The following HIVEP3 variants were observed in gnomAD, a reference collection of about 807,000 sequenced individuals.
HIVEP3 encodes HIVEP zinc finger 3.
HIVEP3 carries 49 observed loss-of-function variants against 152.8 expected under a neutral mutation model. The observed-to-expected ratio is 0.32, with a 90% CI of 0.26 to 0.41. The LOEUF is 0.41. Among genes scored for constraint, HIVEP3 ranks in the 10% least tolerant of loss-of-function variants. HIVEP3 has a pLI of 1.00. For missense variants in HIVEP3, 2,790 were observed against 3,103.3 expected (o/e 0.90, Z 2.40); for synonymous variants, 1,269 against 1,289.0 (o/e 0.98, Z 0.33).
chr1:41,965,342 C>T (rs1192176614), intron 1 of HIVEP3, among the ~76,000 whole-genome samples: 1 of 152,196 alleles, frequency 6.6e-6, no homozygotes, highest in African/African-American at 2.4e-5. Flanking sequence ...GCCAGAGTGC[C>T]TCTTCTCCAA....
intron 1 of HIVEP3, among the ~76,000 whole-genome samples, chr1:41,734,044 C>G (rs1420358993): frequency 1.3e-5 from 2 of 152,146 alleles, no homozygotes; most frequent in Non-Finnish European, 2.9e-5. Context: ...GCCCTCACCC[C>G]CTCCTTGCTC....
intron 1 of HIVEP3, among the ~76,000 whole-genome samples, chr1:41,880,915 T>C (rs952399056): frequency 3.3e-5 from 5 of 152,222 alleles, no homozygotes; most frequent in African/African-American, 1.2e-4. Context: ...TCTAAATTTC[T>C]TGATAACCAA....
At chr1:41,846,824 G>A (rs1256350360) in intron 1 of HIVEP3, among the ~76,000 whole-genome samples, 1 of 152,204 alleles carries the variant, frequency 6.6e-6, no homozygotes, top group African/African-American at 2.4e-5. Flanking sequence ...CTCCTCCATA[G>A]ATGGGTAATG....
At chr1:41,905,998 C>G (rs1644703296) in intron 1 of HIVEP3, among the ~76,000 whole-genome samples, 1 of 152,096 alleles carries the variant, frequency 6.6e-6, no homozygotes, top group Non-Finnish European at 1.5e-5. Flanking sequence ...AAATTTCTAT[C>G]AACAGGTGGA....
At chr1:41,856,063 G>T (rs1489669225) in intron 1 of HIVEP3, among the ~76,000 whole-genome samples, 1 of 152,192 alleles carries the variant, frequency 6.6e-6, no homozygotes, top group Non-Finnish European at 1.5e-5. Flanking sequence ...TGCCCCTCCT[G>T]CCCATATGGA....
At chr1:41,614,364 G>A (rs930669092) in intron 3 of HIVEP3, among the ~76,000 whole-genome samples, 1 of 152,332 alleles carries the variant, frequency 6.6e-6, no homozygotes, top group African/African-American at 2.4e-5. Context: ...AACAGAGGGT[G>A]CAAGTCCCAA....
intron 5 of HIVEP3, among the ~76,000 whole-genome samples, chr1:41,568,582 T>C (rs2149094831): frequency 6.6e-6 from 1 of 152,326 alleles, no homozygotes; most frequent in Non-Finnish European, 1.5e-5. Flanking sequence ...AGCAGGTGAC[T>C]GTAGGACACT....
intron 1 of HIVEP3, among the ~76,000 whole-genome samples, chr1:41,856,549 C>T (rs571805111): frequency 2.7e-4 from 41 of 152,158 alleles, no homozygotes; most frequent in Admixed American, 5.9e-4. Context: ...AACAAGCGGG[C>T]GTTCGCACAT....
At chr1:41,599,920 G>A (rs960751536) in intron 3 of HIVEP3, among the ~76,000 whole-genome samples, 18 of 152,022 alleles carry the variant, frequency 1.2e-4, no homozygotes, top group Non-Finnish European at 2.4e-4. Flanking sequence ...TTGAAGAGAC[G>A]TTTCTCCAAA....
At position 41,510,652 on chromosome 1, in the gene HIVEP3, G is replaced by T. The variant is rs1387061649; in HGVS notation, c.7020C>A (p.Asn2340Lys). Reference protein sequence around the residue: ...PRLESPRAPTNPEPSATPPLD... With the variant: ...PRLESPRAPTKPEPSATPPLD... ...GCGGCGGGGTGGCAGAAGGCTCGGG[G>T]TTGGTCGGTGCACGCGGGGACTCCA... is the stretch of plus-strand genomic sequence containing the variant. Residue 2340 changes from asparagine to lysine, a missense_variant, in exon 9 of 9, where the codon AAC becomes AAA. This residue lies in a region of HIVEP3 where 816 missense variants were observed against 806.5 expected (regional missense o/e 1.01). Coordinates refer to ENST00000372583, the MANE Select transcript of HIVEP3 (RefSeq NM_024503.5). The T allele has an allele frequency of 2.6e-6, 4 of 1,538,796 alleles. No homozygotes were observed. The highest frequency in any genetic ancestry group is 2.5e-5 in the East Asian group (1 of 40,816).
At chr1:41,784,821 C>G (rs1391673918) in intron 1 of HIVEP3, among the ~76,000 whole-genome samples, 21 of 152,164 alleles carry the variant, frequency 1.4e-4, no homozygotes, top group Admixed American at 1.4e-3. Context: ...AGCCACAAAA[C>G]AGGTTTCTGG....
intron 5 of HIVEP3, among the ~76,000 whole-genome samples, chr1:41,529,858 CACTT>C (rs1643190031): frequency 1.4e-5 from 2 of 143,450 alleles, no homozygotes; most frequent in Non-Finnish European, 3.0e-5. Context: ...CCCACAGTCA[CACTT>C]ACATCCTCAC....
intron 2 of HIVEP3, among the ~76,000 whole-genome samples, chr1:41,698,411 T>C (rs1230010886): frequency 6.6e-6 from 1 of 152,222 alleles, no homozygotes; most frequent in African/African-American, 2.4e-5. Flanking sequence ...AGGTAATGTG[T>C]GCCTTCAATT....
chr1:41,718,943 C>A (rs918860089), intron 1 of HIVEP3, among the ~76,000 whole-genome samples: 1 of 152,220 alleles, frequency 6.6e-6, no homozygotes, highest in African/African-American at 2.4e-5. Context: ...TTTAACCCTT[C>A]CTCTTTGCTG....
chr1:41,583,975 C>T lies in HIVEP3; in HGVS notation c.823G>A (p.Glu275Lys). The T allele has an allele frequency of 1.9e-6, 3 of 1,614,168 alleles. No individual in the cohort carries two copies. The highest frequency in any genetic ancestry group is 2.2e-5 in the South Asian group (2 of 91,084). ...TCTGTGCTTTCTCCCTCAGTGGGCT[C>T]CTCAAACTCTTCCCCAGGGATCCGC... ...MERIPGEEFE[E>K]PTEGESTDSE... The change falls in exon 4 of 9, where the codon GAG becomes AAG. Residue 275 changes from glutamate to lysine, a missense_variant. Around this residue, in one of 9 missense-constraint regions of HIVEP3, gnomAD observed 125 missense variants for 130.1 expected, o/e 0.96. Transcript: ENST00000372583. The surrounding 1 kb of genome is among the most constrained non-coding windows in gnomAD (Gnocchi z 6.9).
At chr1:41,608,104 G>A (rs2149130225) in intron 3 of HIVEP3, among the ~76,000 whole-genome samples, 1 of 152,258 alleles carries the variant, frequency 6.6e-6, no homozygotes, top group Middle Eastern at 3.4e-3. Context: ...AGATATAAGT[G>A]GAATACTAAC....
intron 1 of HIVEP3, among the ~76,000 whole-genome samples, chr1:41,938,827 C>T (rs1048818726): frequency 2.6e-5 from 4 of 152,218 alleles, no homozygotes; most frequent in Non-Finnish European, 5.9e-5. Context: ...TAGGAATTTT[C>T]ATCAGACTCT....
At chr1:41,741,828 G>A (rs1326479243) in intron 1 of HIVEP3, among the ~76,000 whole-genome samples, 1 of 152,228 alleles carries the variant, frequency 6.6e-6, no homozygotes, top group Non-Finnish European at 1.5e-5. Context: ...CAAACACAGG[G>A]CTGTTTTGAA....
At chr1:41,973,627 G>A (rs1645243087) in intron 1 of HIVEP3, among the ~76,000 whole-genome samples, 1 of 152,238 alleles carries the variant, frequency 6.6e-6, no homozygotes, top group South Asian at 2.1e-4. Context: ...TCACAGAAGT[G>A]ATATCCCATC....
Sources: allele counts gnomAD v4.1 joint callset (sites outside exome capture counted in the v4.1 genomes callset), GRCh38; gene constraint gnomAD v4.1.1; regional missense constraint gnomAD v4.1.1; non-coding constraint Gnocchi (gnomAD v3.1); transcripts MANE v1.5; gene names NCBI Gene and HGNC (gene_info 2026-07-23, HGNC 2026-07-21).